Variants in OTOGL observed in about 807,000 individuals in gnomAD.
OTOGL encodes otogelin-like protein.
In OTOGL, 285 loss-of-function variants were observed where a neutral mutation model predicts 318.5. The ratio of observed to expected loss-of-function variants is 0.89; its 90% CI spans 0.81 to 0.99. OTOGL has a LOEUF of 0.99. OTOGL is among the 50% of genes least tolerant of loss of function. OTOGL has a pLI of 0.00. For synonymous variants in OTOGL, 987 were observed against 936.5 expected, an observed-to-expected ratio of 1.05 and a Z score of -0.99; for missense variants, 2,899 against 2,845.6, an observed-to-expected ratio of 1.02 and a Z score of -0.43.
intron 1 of OTOGL, among the ~76,000 whole-genome samples, chr12:80,175,055 T>A (rs1219583465): frequency 5.9e-5 from 9 of 152,092 alleles, no homozygotes; most frequent in Non-Finnish European, 1.0e-4. Flanking sequence ...AAACACATAT[T>A]TGGCTGCAAA....
In OTOGL at chr12:80,279,042, GA is replaced by G; in HGVS notation, c.2806del (p.Met936CysfsTer27). On this transcript the variant is annotated frameshift_variant, in exon 26 of 59. Coordinates refer to ENST00000547103, the MANE Select transcript of OTOGL (RefSeq NM_001378609.3). LOFTEE classifies it high-confidence loss of function. ...TTTTTTAATAGCGTTTGTCGACGAG[GA>G]ATGTTCAATTGCACATATTATCCAT... is the stretch of plus-strand genomic sequence containing the variant. ...TPCYTCVCRR[G>X]MFNCTYYPCP... 1 of 1,594,840 alleles carries G rather than the reference GA, an allele frequency of 6.3e-7. No homozygotes were observed. The highest frequency in any genetic ancestry group is 8.5e-7 in the Non-Finnish European group (1 of 1,176,692).
At chr12:80,144,302 G>C (rs1013815612) in intron 1 of OTOGL, among the ~76,000 whole-genome samples, 5 of 151,470 alleles carry the variant, frequency 3.3e-5, no homozygotes, top group Non-Finnish European at 5.9e-5. Context: ...GAGAATATGC[G>C]GTGTTTGGTT....
chr12:80,126,613 T>C (rs1325729048), intron 1 of OTOGL, among the ~76,000 whole-genome samples: 2 of 152,190 alleles, frequency 1.3e-5, no homozygotes, highest in African/African-American at 4.8e-5. Context: ...TTCTGTCTCA[T>C]TGATCTGTCT....
chr12:80,365,528 A>G (rs1299132705), intron 52 of OTOGL, among the ~76,000 whole-genome samples: 2 of 152,168 alleles, frequency 1.3e-5, no homozygotes, highest in African/African-American at 4.8e-5. Context: ...TACATATGTT[A>G]CCTAAAAGAG....
chr12:80,108,813 G>GTGTATATATATGTATATATAT (rs1869626931), intron 1 of OTOGL, among the ~76,000 whole-genome samples: 4 of 134,152 alleles, frequency 3.0e-5, no homozygotes, highest in African/African-American at 8.4e-5. Flanking sequence ...ATATATATAT[G>GTGTATATATATGTATATATAT]TGTATATATA....
In OTOGL at chr12:80,310,741, T is replaced by C. The variant is rs771251673; in HGVS notation, c.3450+14T>C. On this transcript the variant is annotated intron_variant, in intron 30 of 58. Coordinates refer to ENST00000547103, the MANE Select transcript of OTOGL (RefSeq NM_001378609.3). ...TGTCGCAATGTGGTAAATGAATACTTTAATGAACTCTCGAGTTTCAATATG... is the reference window on the plus strand; with the variant it reads ...TGTCGCAATGTGGTAAATGAATACTCTAATGAACTCTCGAGTTTCAATATG... 1.3e-6 allele frequency: 2 copies of C among 1,519,496 alleles called. No individual in the cohort carries two copies. Among genetic ancestry groups the C allele is most frequent in the Non-Finnish European group, 1.8e-6 (2 of 1,107,612 alleles). 94.1% of individuals were successfully genotyped at this position (1,519,496 alleles called of 1,614,324 possible).
At chr12:80,348,986 T>C (rs1487619634) in intron 44 of OTOGL, among the ~76,000 whole-genome samples, 1 of 152,212 alleles carries the variant, frequency 6.6e-6, no homozygotes, top group Non-Finnish European at 1.5e-5. Flanking sequence ...CATAGTACAG[T>C]GCCTGATATG....
chr12:80,233,610 A>G (rs1879576291), intron 9 of OTOGL, among the ~76,000 whole-genome samples: 2 of 152,230 alleles, frequency 1.3e-5, no homozygotes, highest in Admixed American at 6.5e-5. Context: ...AAGGTTTTAT[A>G]TACCTACCAG....
At chr12:80,172,559 C>T (rs543482591) in intron 1 of OTOGL, among the ~76,000 whole-genome samples, 1 of 152,102 alleles carries the variant, frequency 6.6e-6, no homozygotes, top group Admixed American at 6.5e-5. Flanking sequence ...TCGGGATTGC[C>T]TCCTACAATT....
At chr12:80,212,799 T>A (rs549598442) in intron 4 of OTOGL, among the ~76,000 whole-genome samples, 1 of 152,318 alleles carries the variant, frequency 6.6e-6, no homozygotes, top group East Asian at 1.9e-4. Flanking sequence ...ATTTGTGTAT[T>A]TTATAGTGTT....
chr12:80,206,288 T>A (rs1015020872), intron 1 of OTOGL, among the ~76,000 whole-genome samples: 1 of 152,234 alleles, frequency 6.6e-6, no homozygotes, highest in Non-Finnish European at 1.5e-5. Flanking sequence ...TTGCTTATTT[T>A]CATGCAGGCT....
At chr12:80,309,689 G>C (rs1886499680) in intron 29 of OTOGL, among the ~76,000 whole-genome samples, 1 of 152,180 alleles carries the variant, frequency 6.6e-6, no homozygotes, top group Admixed American at 6.5e-5. Flanking sequence ...GGCTTCCTGG[G>C]TGGATACTGG....
chr12:80,311,781 A>C (rs1886650452), intron 30 of OTOGL, among the ~76,000 whole-genome samples: 1 of 152,188 alleles, frequency 6.6e-6, no homozygotes, highest in South Asian at 2.1e-4. Context: ...GTCTTTGATA[A>C]AATTTACTTT....
intron 1 of OTOGL, among the ~76,000 whole-genome samples, chr12:80,157,091 C>G (rs761613363): frequency 2.0e-5 from 3 of 152,108 alleles, no homozygotes; most frequent in Admixed American, 1.3e-4. Flanking sequence ...TCCACATCCT[C>G]GCCAGCATTT....
intron 1 of OTOGL, among the ~76,000 whole-genome samples, chr12:80,100,400 A>T (rs1869067788): frequency 6.6e-6 from 1 of 152,190 alleles, no homozygotes; most frequent in Non-Finnish European, 1.5e-5. Flanking sequence ...TTTGATCATT[A>T]TACATTATAT....
At chr12:80,345,067 TTATAA>T (rs1889082367) in intron 44 of OTOGL, among the ~76,000 whole-genome samples, 4 of 119,784 alleles carry the variant, frequency 3.3e-5, no homozygotes, top group Admixed American at 1.1e-4. Flanking sequence ...ATTTTATATA[TTATAA>T]TATATATTAT....
At chr12:80,111,703 T>G (rs1869848862) in intron 1 of OTOGL, among the ~76,000 whole-genome samples, 1 of 152,208 alleles carries the variant, frequency 6.6e-6, no homozygotes, top group South Asian at 2.1e-4. Flanking sequence ...CTTTGTTCTT[T>G]TTGCTTAGGA....
chr12:80,148,189 T>A (rs570455441), intron 1 of OTOGL, among the ~76,000 whole-genome samples: 62 of 151,800 alleles, frequency 4.1e-4, no homozygotes, highest in African/African-American at 1.3e-3. Flanking sequence ...CAGCGGCTGG[T>A]ACCGGTTGTT....
At chr12:80,162,304 T>C (rs1362106307) in intron 1 of OTOGL, among the ~76,000 whole-genome samples, 1 of 152,134 alleles carries the variant, frequency 6.6e-6, no homozygotes, top group South Asian at 2.1e-4. Flanking sequence ...GATGCACTTC[T>C]CTAATTATAG....
Sources: gnomAD v4.1 joint callset for allele counts (sites outside exome capture counted in the v4.1 genomes callset) on GRCh38, gnomAD v4.1.1 for gene constraint, MANE v1.5 for transcripts, NCBI Gene and HGNC (gene_info 2026-07-23, HGNC 2026-07-21) for gene names.